The following CSMD1 variants were observed in gnomAD, a reference collection of about 807,000 sequenced individuals.
CSMD1 encodes the protein CUB and Sushi multiple domains 1.
CSMD1 carries 213 observed loss-of-function variants against 417.5 expected under a neutral mutation model. That is an observed-to-expected ratio of 0.51 (90% CI 0.46 to 0.57). The LOEUF is 0.57. Among genes scored for constraint, CSMD1 ranks in the 20% least tolerant of loss-of-function variants. The pLI is 0.00. For missense variants in CSMD1, 6,923 were observed against 4,529.7 expected, an observed-to-expected ratio of 1.53 and a Z score of -15.17; for synonymous variants, 2,862 against 1,736.8, an observed-to-expected ratio of 1.65 and a Z score of -16.11.
intron 3 of CSMD1, among the ~76,000 whole-genome samples, chr8:4,132,430 T>C (rs1054161193): frequency 2.6e-5 from 4 of 152,160 alleles, no homozygotes; most frequent in African/African-American, 9.7e-5. Flanking sequence ...ATAGAAACTA[T>C]TTTTATTTAA....
chr8:3,969,014 G>T (rs148434338), intron 5 of CSMD1, among the ~76,000 whole-genome samples: 3,198 of 152,310 alleles, frequency 0.021, 52 homozygotes, highest in Non-Finnish European at 0.03. Flanking sequence ...ACTTTGGAAG[G>T]CCGAGGCAGG....
At chr8:3,838,114 G>C (rs999297593) in intron 5 of CSMD1, among the ~76,000 whole-genome samples, 1 of 152,018 alleles carries the variant, frequency 6.6e-6, no homozygotes, top group Non-Finnish European at 1.5e-5. Flanking sequence ...TCTAACTTGG[G>C]ATTAGAAAAC....
chr8:4,391,772 T>C (rs1803864383), intron 3 of CSMD1, among the ~76,000 whole-genome samples: 1 of 152,136 alleles, frequency 6.6e-6, no homozygotes, highest in Non-Finnish European at 1.5e-5. Flanking sequence ...GGGCTTTCCC[T>C]CTCCCCTGAG....
At chr8:3,694,483 C>T (rs1385525873) in intron 7 of CSMD1, among the ~76,000 whole-genome samples, 2 of 152,112 alleles carry the variant, frequency 1.3e-5, no homozygotes, top group Non-Finnish European at 2.9e-5. Context: ...CCGAAAACAC[C>T]ATCTGGGAAA....
chr8:3,498,407 T>C (rs1174817271), intron 10 of CSMD1, among the ~76,000 whole-genome samples: 1 of 152,172 alleles, frequency 6.6e-6, no homozygotes, highest in Non-Finnish European at 1.5e-5. Flanking sequence ...CTTGGGAAAA[T>C]TACAAAATCA....
chr8:3,638,645 T>C (rs1204912035), intron 7 of CSMD1, among the ~76,000 whole-genome samples: 1 of 152,114 alleles, frequency 6.6e-6, no homozygotes, highest in Non-Finnish European at 1.5e-5. Context: ...AGGTGAAACA[T>C]GGGCAAGATG....
intron 2 of CSMD1, among the ~76,000 whole-genome samples, chr8:4,544,138 A>G (rs192583386): frequency 1.1e-4 from 17 of 152,286 alleles, no homozygotes; most frequent in Admixed American, 9.2e-4. Context: ...TCCAACTTAA[A>G]TGATTTTTTC....
chr8:3,863,616 T>A (rs1012865758), intron 5 of CSMD1, among the ~76,000 whole-genome samples: 1 of 152,178 alleles, frequency 6.6e-6, no homozygotes, highest in Non-Finnish European at 1.5e-5. Flanking sequence ...GTAGGATGTA[T>A]GTTTTGTTCA....
In CSMD1 at chr8:3,162,283, A is replaced by T; in HGVS notation, c.5726-6T>A. 1 of 1,565,448 alleles carries T rather than the reference A, an allele frequency of 6.4e-7. No homozygotes were observed. Among genetic ancestry groups the T allele is most frequent in the African/African-American group, 1.3e-5 (1 of 74,096 alleles). On this transcript the variant is annotated splice_region_variant and splice_polypyrimidine_tract_variant and intron_variant, in intron 37 of 69. Coordinates refer to ENST00000635120, the MANE Select transcript of CSMD1 (RefSeq NM_033225.6). ...GCATGCAGCAAGACCTACAGCTAGA[A>T]ATGCAAAGACAAATGCTAGAAATTA...
intron 3 of CSMD1, among the ~76,000 whole-genome samples, chr8:4,176,543 T>C (rs1217492302): frequency 6.6e-6 from 1 of 151,992 alleles, no homozygotes; most frequent in Non-Finnish European, 1.5e-5. Context: ...TTCTGATCCC[T>C]ACTAATATAC....
At chr8:3,969,090 A>C (rs567988891) in intron 5 of CSMD1, among the ~76,000 whole-genome samples, 1 of 152,208 alleles carries the variant, frequency 6.6e-6, no homozygotes, top group Admixed American at 6.5e-5. Flanking sequence ...ATCTCTACTA[A>C]AAATACAAAA....
At chr8:4,337,798 A>C (rs1800255828) in intron 3 of CSMD1, among the ~76,000 whole-genome samples, 1 of 152,160 alleles carries the variant, frequency 6.6e-6, no homozygotes, top group Non-Finnish European at 1.5e-5. Flanking sequence ...GCTCTGATAA[A>C]TTTTTAATCA....
chr8:3,599,679 A>T (rs1264677110), intron 8 of CSMD1, among the ~76,000 whole-genome samples: 1 of 152,128 alleles, frequency 6.6e-6, no homozygotes, highest in Admixed American at 6.5e-5. Context: ...CTTTAACAAC[A>T]TCTCCATTTT....
intron 7 of CSMD1, among the ~76,000 whole-genome samples, chr8:3,654,941 C>A (rs967584179): frequency 3.9e-5 from 6 of 152,152 alleles, no homozygotes; most frequent in African/African-American, 1.4e-4. Context: ...TCTGGCACTT[C>A]CTGCTTTTTG....
chr8:3,615,120 A>G (rs1166137124), intron 8 of CSMD1, among the ~76,000 whole-genome samples: 2 of 152,192 alleles, frequency 1.3e-5, no homozygotes, highest in Admixed American at 1.3e-4. Flanking sequence ...TCCTTCTGTT[A>G]GCTGCCAGCT....
intron 1 of CSMD1, among the ~76,000 whole-genome samples, chr8:4,922,023 T>C (rs1181118801): frequency 6.6e-6 from 1 of 152,132 alleles, no homozygotes; most frequent in East Asian, 1.9e-4. Flanking sequence ...GAAAAGCCTT[T>C]CAAGAATCCC....
chr8:4,485,614 C>T (rs1345660093), intron 2 of CSMD1, among the ~76,000 whole-genome samples: 1 of 152,078 alleles, frequency 6.6e-6, no homozygotes, highest in Non-Finnish European at 1.5e-5. Context: ...ATGGATAATG[C>T]TTTCTACTAT....
intron 37 of CSMD1, among the ~76,000 whole-genome samples, chr8:3,167,788 C>G (rs1488933772): frequency 6.6e-6 from 1 of 152,132 alleles, no homozygotes; most frequent in Non-Finnish European, 1.5e-5. Context: ...CATTAAGAAT[C>G]AGAATATAAC....
intron 3 of CSMD1, among the ~76,000 whole-genome samples, chr8:4,202,191 A>C (rs761144677): frequency 9.5e-4 from 144 of 152,292 alleles, no homozygotes; most frequent in Non-Finnish European, 6.3e-4. Flanking sequence ...TATTACTCTT[A>C]TAATGACGCA....
Sources: gnomAD v4.1 joint callset for allele counts (sites outside exome capture counted in the v4.1 genomes callset) on GRCh38, gnomAD v4.1.1 for gene constraint, MANE v1.5 for transcripts, NCBI Gene and HGNC (gene_info 2026-07-23, HGNC 2026-07-21) for gene names.